SOBP: variants seen among roughly 807,000 people sequenced by gnomAD.
SOBP encodes sine oculis binding protein homolog, also known as sine oculis-binding protein homolog.
In SOBP, 4 loss-of-function variants were observed where a neutral mutation model predicts 53.6. That is an observed-to-expected ratio of 0.07 (90% CI 0.04 to 0.17). The LOEUF (loss-of-function observed/expected upper bound fraction) is 0.17, where lower values mean the gene tolerates loss of function less well. SOBP is among the 10% of genes least tolerant of loss of function. The pLI is 1.00. For synonymous variants in SOBP, 584 were observed against 522.6 expected (o/e 1.12, Z -1.60); for missense variants, 1,088 against 1,204.7 (o/e 0.90, Z 1.43).
intron 4 of SOBP, among the ~76,000 whole-genome samples, chr6:107,561,157 A>G (rs1198595809): frequency 1.3e-5 from 2 of 152,176 alleles, no homozygotes; most frequent in Non-Finnish European, 2.9e-5. Flanking sequence ...TCTTGGGAGT[A>G]TCTGAGATGG....
chr6:107,625,347 C>T (rs576022422), intron 5 of SOBP, among the ~76,000 whole-genome samples: 65 of 152,218 alleles, frequency 4.3e-4, no homozygotes, highest in Non-Finnish European at 6.6e-4. Context: ...GCCCAGGGTG[C>T]AGAAAATGTG....
At chr6:107,506,777 A>C (rs1370148356) in intron 3 of SOBP, among the ~76,000 whole-genome samples, 4 of 152,156 alleles carry the variant, frequency 2.6e-5, no homozygotes, top group Non-Finnish European at 4.4e-5. Context: ...AGCAAGAAAA[A>C]AAAGTAACCA....
intron 6 of SOBP, among the ~76,000 whole-genome samples, chr6:107,657,104 C>T (rs534686377): frequency 2.0e-5 from 3 of 152,334 alleles, no homozygotes; most frequent in South Asian, 2.1e-4. Flanking sequence ...TGTAGAGACA[C>T]GAGCAAAACA....
At chr6:107,574,595 C>G (rs1785170749) in intron 4 of SOBP, among the ~76,000 whole-genome samples, 1 of 152,130 alleles carries the variant, frequency 6.6e-6, no homozygotes, top group South Asian at 2.1e-4. Flanking sequence ...AGGGATGTCT[C>G]CTTCCCCATC....
At chr6:107,631,965 C>T (rs975185174) in intron 5 of SOBP, among the ~76,000 whole-genome samples, 2 of 152,164 alleles carry the variant, frequency 1.3e-5, no homozygotes, top group African/African-American at 2.4e-5. Flanking sequence ...AGTGCGTGTT[C>T]GCCCATGATC....
At chr6:107,594,452 G>A (rs1220357484) in intron 5 of SOBP, among the ~76,000 whole-genome samples, 3 of 151,620 alleles carry the variant, frequency 2.0e-5, no homozygotes, top group Non-Finnish European at 4.4e-5. Context: ...GAAGGGGACG[G>A]CACAAAGATA....
Position 107,506,338 on chromosome 6 carries a change from T to G in SOBP, c.332T>G (p.Leu111Arg). 6.2e-7 allele frequency: 1 copy of G among 1,614,174 alleles called. No individual in the cohort carries two copies. The highest frequency in any genetic ancestry group is 8.5e-7 in the Non-Finnish European group (1 of 1,180,004). ...TCAGGGCTTGCCACTGGAAATGGAC[T>G]CAGTGACTCACCTGCAGGGTCAAAG... Reference protein sequence around the residue: ...GYSGLATGNGLSDSPAGSKDH... With the variant: ...GYSGLATGNGRSDSPAGSKDH... Residue 111 changes from leucine to arginine, a missense_variant, in exon 3 of 7, where the codon CTC becomes CGC. Around this residue, in one of 6 missense-constraint regions of SOBP, gnomAD observed 112 missense variants for 117.9 expected, o/e 0.95. Coordinates refer to ENST00000317357, the MANE Select transcript of SOBP (RefSeq NM_018013.4).
intron 5 of SOBP, among the ~76,000 whole-genome samples, chr6:107,610,158 C>T (rs1786536768): frequency 6.6e-6 from 1 of 152,196 alleles, no homozygotes; most frequent in South Asian, 2.1e-4. Flanking sequence ...CATCAGGTGT[C>T]AGGCATTTGG....
At chr6:107,574,931 C>T (rs1374573650) in intron 4 of SOBP, among the ~76,000 whole-genome samples, 1 of 152,230 alleles carries the variant, frequency 6.6e-6, no homozygotes, top group Non-Finnish European at 1.5e-5. Flanking sequence ...TTACCTCTCA[C>T]CCACAAGGAC....
At chr6:107,500,783 C>G (rs1782825097) in intron 1 of SOBP, among the ~76,000 whole-genome samples, 1 of 152,114 alleles carries the variant, frequency 6.6e-6, no homozygotes, top group African/African-American at 2.4e-5. Flanking sequence ...CCTTGGCCTC[C>G]CAAAGTGCTG....
intron 3 of SOBP, among the ~76,000 whole-genome samples, chr6:107,531,910 CA>C (rs1231724202): frequency 6.6e-6 from 1 of 152,028 alleles, no homozygotes; most frequent in African/African-American, 2.4e-5. Flanking sequence ...TGGTGATACT[CA>C]GGGGGAAAAA....
chr6:107,617,251 G>A (rs575564976), intron 5 of SOBP, among the ~76,000 whole-genome samples: 13 of 152,184 alleles, frequency 8.5e-5, no homozygotes, highest in East Asian at 3.9e-4. Flanking sequence ...TTCTAACCCC[G>A]CTTCTAAAGA....
chr6:107,656,417 A>C (rs1182080195), intron 6 of SOBP, among the ~76,000 whole-genome samples: 1 of 152,260 alleles, frequency 6.6e-6, no homozygotes, highest in Non-Finnish European at 1.5e-5. Context: ...CCACATTTCC[A>C]AATCTGACCA....
intron 1 of SOBP, among the ~76,000 whole-genome samples, chr6:107,491,538 A>G (rs1299767304): frequency 6.6e-6 from 1 of 152,214 alleles, no homozygotes; most frequent in African/African-American, 2.4e-5. Context: ...CGTTAGAGCA[A>G]TTGCACAAGA....
chr6:107,497,183 C>A (rs1562571481), intron 1 of SOBP, among the ~76,000 whole-genome samples: 1 of 152,178 alleles, frequency 6.6e-6, no homozygotes, highest in Non-Finnish European at 1.5e-5. Flanking sequence ...CAGAAATAAC[C>A]ATCAGTCTAC....
At position 107,635,585 on chromosome 6, in the gene SOBP, TTG is replaced by T; in HGVS notation, c.*3+117_*3+118del. 7.3e-7 allele frequency: 1 copy of T among 1,378,854 alleles called. No individual in the cohort carries two copies. Among genetic ancestry groups the T allele is most frequent in the Non-Finnish European group, 1.0e-6 (1 of 989,870 alleles). The allele number at this position is 1,378,854 out of a possible 1,614,324, so 85.4% of individuals were successfully genotyped here. ...ATGATTTTACCGTGTGTGTTTTATA[TTG>T]CACACGGTGTGGTCACGCTATCAAC... On this transcript the variant is annotated intron_variant, in intron 6 of 6. Transcript: ENST00000317357. The surrounding 1 kb of genome is among the most constrained non-coding windows in gnomAD (Gnocchi z 4.5).
chr6:107,537,045 A>G (rs1479209253), intron 4 of SOBP, among the ~76,000 whole-genome samples: 3 of 152,180 alleles, frequency 2.0e-5, no homozygotes, highest in Non-Finnish European at 4.4e-5. Flanking sequence ...CCATTTTTGG[A>G]CTTGAGAGCA....
Position 107,635,123 on chromosome 6 carries a change from C to G in SOBP, c.2279C>G (p.Pro760Arg). The change falls in exon 6 of 7, where the codon CCT becomes CGT. Residue 760 changes from proline (P) to arginine (R), a missense_variant. By Grantham distance (103) the Pro-to-Arg change is moderately radical. Coordinates refer to ENST00000317357, the MANE Select transcript of SOBP (RefSeq NM_018013.4). The surrounding 1 kb of genome is among the most constrained non-coding windows in gnomAD (Gnocchi z 4.5). ...GCGCCCCCCAAGAAGCTGCTGTCGC[C>G]TGAGGAACCGGCGGTGAGCGAGCTA... ...PPAPPKKLLS[P>R]EEPAVSELES... 1.9e-6 allele frequency: 3 copies of G among 1,612,706 alleles called. No individual in the cohort carries two copies. The South Asian group carries it at 3.3e-5, about 18-fold the overall frequency.
In SOBP at chr6:107,525,443, T is replaced by C. The variant is rs149198027; in HGVS notation, c.422-8016T>C. Among the ~76,000 whole-genome samples the C allele has an allele frequency of 2.6e-5, 4 of 152,314 alleles. No individual in the cohort carries two copies. In the East Asian group the frequency reaches 7.7e-4, roughly 29 times the overall value. On this transcript the variant is annotated intron_variant, in intron 3 of 6. Transcript: ENST00000317357. ...TATGAGTCTCTCCTTTTGCTGTCCT[T>C]CTTCATTGGAGTACGGGAGAATAAA...
Sources: gnomAD v4.1 joint callset for allele counts (sites outside exome capture counted in the v4.1 genomes callset) on GRCh38, gnomAD v4.1.1 for gene constraint, gnomAD v4.1.1 regional missense constraint, Gnocchi (gnomAD v3.1) non-coding constraint, MANE v1.5 for transcripts, NCBI Gene and HGNC (gene_info 2026-07-23, HGNC 2026-07-21) for gene names.